The following HOXA9 variants were observed in gnomAD, a reference collection of about 807,000 sequenced individuals.
HOXA9 encodes the protein homeobox A9.
A neutral mutation model predicts 19.0 loss-of-function variants in HOXA9; 18 were observed. That is an observed-to-expected ratio of 0.95 (90% CI 0.65 to 1.40). The LOEUF is 1.40. Ranked by LOEUF, HOXA9 falls within the 40% of genes most tolerant of loss-of-function variation. The pLI is 0.00. For synonymous variants in HOXA9, 198 were observed against 161.1 expected (o/e 1.23, Z -1.73); for missense variants, 443 against 372.2 (o/e 1.19, Z -1.57).
Position 27,162,751 on chromosome 7 carries a change from CA to C in HOXA9, c.*851del. 4.8e-6 allele frequency: 1 copy of C among 208,062 alleles called. No individual in the cohort carries two copies. The highest frequency in any genetic ancestry group is 9.8e-6 in the Non-Finnish European group (1 of 101,964). 12.9% of individuals were successfully genotyped at this position (208,062 alleles called of 1,614,324 possible). A position where few individuals can be genotyped will look rare whatever the true frequency, so the allele number is the denominator to read the frequency against. ...GAATTTCCTCACTGTTCGTCTGGTG[CA>C]AAAACAATATTCAAGCTTGTCTGAT... On this transcript the variant is annotated 3_prime_UTR_variant, in exon 2 of 2. Transcript: ENST00000343483.
Position 27,165,154 on chromosome 7 carries a change from C to G in HOXA9, c.304G>C (p.Ala102Pro), listed in dbSNP as rs200450890. 7,714 of 1,595,632 alleles carry G rather than the reference C, an allele frequency of 4.8e-3. 29 individuals are homozygous for G. The highest frequency in any genetic ancestry group is 5.7e-3 in the Non-Finnish European group (6,636 of 1,170,836). ...VHPQAPVAAAAPDGRYMRSWL... is the reference protein window; with the variant it reads ...VHPQAPVAAAPPDGRYMRSWL... ...GAGCGCATGTACCTGCCGTCCGGCG[C>G]CGCCGCCGCCACGGGCGCCTGGGGG... The change falls in exon 1 of 2, where the codon GCG (alanine) becomes CCG (proline). Residue 102 changes from alanine to proline, a missense_variant. Ala to Pro is a conservative substitution (Grantham distance 27). Transcript: ENST00000343483.
chr7:27,164,968 C>T lies in HOXA9; in HGVS notation c.490G>A (p.Val164Ile). The T allele has an allele frequency of 1.9e-6, 3 of 1,614,226 alleles. No individual in the cohort carries two copies. The South Asian group carries it at 3.3e-5, about 18-fold the overall frequency. ...TCGCTGGGTTGTTTTTCTCTATCAA[C>T]TGGAGGAGAACCACAAGCATAGTCA... is the stretch of plus-strand genomic sequence containing the variant. ...LTDYACGSPP[V>I]DREKQPSEGA... The change falls in exon 1 of 2, where the codon GTT becomes ATT. Residue 164 changes from valine (V) to isoleucine (I), a missense_variant. By Grantham distance (29) the Val-to-Ile change is conservative. Coordinates refer to ENST00000343483, the MANE Select transcript of HOXA9 (RefSeq NM_152739.4).
At position 27,163,829 on chromosome 7, in the gene HOXA9, G is replaced by A; in HGVS notation, c.593C>T (p.Ala198Val). The A allele has an allele frequency of 6.2e-7, 1 of 1,613,824 alleles. No individual in the cohort carries two copies. Among genetic ancestry groups the A allele is most frequent in the Non-Finnish European group, 8.5e-7 (1 of 1,179,876 alleles). ...KPPIDPNNPAANWLHARSTRK... is the reference protein window; with the variant it reads ...KPPIDPNNPAVNWLHARSTRK... Reference sequence around the variant, plus strand: ...AGTGGAGCGCGCATGAAGCCAGTTGGCTGCTGGGTTATCTGCGGGGAAGAG... The same window carrying A: ...AGTGGAGCGCGCATGAAGCCAGTTGACTGCTGGGTTATCTGCGGGGAAGAG... The change falls in exon 2 of 2, where the codon GCC becomes GTC. Residue 198 changes from alanine to valine, a missense_variant. Coordinates refer to ENST00000343483, the MANE Select transcript of HOXA9 (RefSeq NM_152739.4).
intron 1 of HOXA9, among the ~76,000 whole-genome samples, chr7:27,164,560 C>T (rs939253203): frequency 6.6e-6 from 1 of 152,250 alleles, no homozygotes; most frequent in African/African-American, 2.4e-5. Context: ...TTTCGAAGAA[C>T]GGCCCAAAGT....
rs1419634082 is a variant in HOXA9, at chr7:27,163,414, G to C, written c.*189C>G. The C allele has an allele frequency of 1.6e-6, 1 of 610,020 alleles. No homozygotes were observed. Among genetic ancestry groups the C allele is most frequent in the Non-Finnish European group, 2.9e-6 (1 of 342,312 alleles). The allele number at this position is 610,020 out of a possible 1,614,324, so 37.8% of individuals were successfully genotyped here. ...CTTACAATACCTCCTCCATCAAAGCGGCAGGCCTACGAGCCAGCCTGAACA... is the reference window on the plus strand; with the variant it reads ...CTTACAATACCTCCTCCATCAAAGCCGCAGGCCTACGAGCCAGCCTGAACA... On this transcript the variant is annotated 3_prime_UTR_variant, in exon 2 of 2. Coordinates refer to ENST00000343483, the MANE Select transcript of HOXA9 (RefSeq NM_152739.4).
chr7:27,165,164 C>A lies in HOXA9; in HGVS notation c.294G>T (p.Val98=). The A allele has an allele frequency of 6.3e-7, 1 of 1,597,842 alleles. No homozygotes were observed. The change falls in exon 1 of 2, where the codon GTG becomes GTT. Residue 98 remains valine, a synonymous_variant. Coordinates refer to ENST00000343483, the MANE Select transcript of HOXA9 (RefSeq NM_152739.4). The part of the protein sequence containing the change: ...HHPYVHPQAP[V]AAAAPDGRYM... The stretch of plus-strand genomic sequence containing the variant: ...ACCTGCCGTCCGGCGCCGCCGCCGC[C>A]ACGGGCGCCTGGGGGTGCACGTAGG...
rs1050009334 is a variant in HOXA9, at chr7:27,162,775, G to A, written c.*828C>T. On this transcript the variant is annotated 3_prime_UTR_variant, in exon 2 of 2. Transcript: ENST00000343483. ...GCAAAAACAATATTCAAGCTTGTCT[G>A]ATTATGCATATTTTCTTTAATCATA... 9.7e-6 allele frequency: 2 copies of A among 206,582 alleles called. 1 individual carries two copies. The highest frequency in any genetic ancestry group is 1.2e-4 in the Admixed American group (2 of 16,770). 12.8% of individuals were successfully genotyped at this position (206,582 alleles called of 1,614,324 possible). A position where few individuals can be genotyped will look rare whatever the true frequency, so the allele number is the denominator to read the frequency against.
chr7:27,165,423 A>T lies in HOXA9; in HGVS notation c.35T>A (p.Val12Glu), dbSNP rs771692377. The T allele has an allele frequency of 6.2e-7, 1 of 1,609,624 alleles. No homozygotes were observed. Among genetic ancestry groups the T allele is most frequent in the Non-Finnish European group, 8.5e-7 (1 of 1,178,956 alleles). ...ATTGALGNYY[V>E]DSFLLGADAA... The stretch of plus-strand genomic sequence containing the variant: ...GTCGGCGCCCAGCAGGAACGAGTCC[A>T]CGTAGTAGTTGCCCAGGGCCCCAGT... The change falls in exon 1 of 2, where the codon GTG becomes GAG. Residue 12 changes from valine (V) to glutamate (E), a missense_variant. By Grantham distance (121) the Val-to-Glu change is moderately radical (BLOSUM62 -2). Coordinates refer to ENST00000343483, the MANE Select transcript of HOXA9 (RefSeq NM_152739.4).
In HOXA9 at chr7:27,163,789, G is replaced by A. The variant is rs1783254997; in HGVS notation, c.633C>T (p.Cys211=). The part of the protein sequence containing the change: ...LHARSTRKKR[C]PYTKHQTLEL... ...CCAGGGTCTGGTGTTTTGTATAGGG[G>A]CACCGCTTTTTCCGAGTGGAGCGCG... Residue 211 remains cysteine (C), a synonymous_variant, in exon 2 of 2, where the codon TGC becomes TGT. Coordinates refer to ENST00000343483, the MANE Select transcript of HOXA9 (RefSeq NM_152739.4). The A allele has an allele frequency of 1.2e-6, 2 of 1,613,744 alleles. No homozygotes were observed. The highest frequency in any genetic ancestry group is 8.5e-7 in the Non-Finnish European group (1 of 1,179,976).
chr7:27,164,759 C>T (rs1783281097), intron 1 of HOXA9, 119 bp downstream of exon 1: 27 of 1,467,458 alleles, frequency 1.8e-5, no homozygotes, highest in Non-Finnish European at 2.3e-5. Flanking sequence ...TGGCTCCTGG[C>T]CCCAACTCGA....
intron 1 of HOXA9, 72 bp from the exon 2 acceptor site, chr7:27,163,913 A>C: frequency 3.1e-6 from 4 of 1,286,850 alleles, no homozygotes; most frequent in Non-Finnish European, 4.5e-6. Context: ...AGCCTCCTGC[A>C]TGGGGTCTCT....
In HOXA9 at chr7:27,165,032, A is replaced by T; in HGVS notation, c.426T>A (p.Gly142=). 2 of 1,613,950 alleles carry T rather than the reference A, an allele frequency of 1.2e-6. No homozygotes were observed. Among genetic ancestry groups the T allele is most frequent in the South Asian group, 2.2e-5 (2 of 91,068 alleles). The change falls in exon 1 of 2, where the codon GGT becomes GGA. Residue 142 remains glycine, a synonymous_variant. Transcript: ENST00000343483. ...TGTGAGTGTCAAGCGTGGGACAGTC[A>T]CCCCTTCTGGCCGACAGCGGTTCAG... ...IKPEPLSARR[G]DCPTLDTHTL...
rs1783246641 is a variant in HOXA9 at position 27,163,524 on chromosome 7, G to A, written c.*79C>T. 2.6e-6 allele frequency: 3 copies of A among 1,160,146 alleles called. No individual in the cohort carries two copies. The highest frequency in any genetic ancestry group is 1.5e-5 in the African/African-American group (1 of 64,684). The allele number at this position is 1,160,146 out of a possible 1,614,324, so 71.9% of individuals were successfully genotyped here. A position where few individuals can be genotyped will look rare whatever the true frequency, so the allele number is the denominator to read the frequency against. On this transcript the variant is annotated 3_prime_UTR_variant, in exon 2 of 2. Transcript: ENST00000343483. ...GAGGCTAGGGTGGGGGTGAGAGAAG[G>A]GAGAAGGCGGAAGGGGGACGGACAG...
In HOXA9 at chr7:27,163,639, C is replaced by T; in HGVS notation, c.783G>A (p.Met261Ile). Residue 261 changes from methionine (M) to isoleucine (I), a missense_variant, in exon 2 of 2, where the codon ATG becomes ATA. Physicochemically the swap from Met to Ile is conservative, Grantham distance 10 (BLOSUM62 1). Transcript: ENST00000343483. ...TTGCTCGGTCTTTGTTGATTTTCTT[C>T]ATTTTCATCCTGCGGTTCTGGAACC... is the stretch of plus-strand genomic sequence containing the variant. ...KIWFQNRRMK[M>I]KKINKDRAKD... 1.2e-6 allele frequency: 2 copies of T among 1,613,458 alleles called. No homozygotes were observed. The highest frequency in any genetic ancestry group is 1.7e-6 in the Non-Finnish European group (2 of 1,179,800).
Position 27,162,916 on chromosome 7 carries a change from A to AT in HOXA9, c.*686dup, listed in dbSNP as rs976622355. 1.3e-4 allele frequency: 25 copies of AT among 197,358 alleles called. No individual in the cohort carries two copies. The highest frequency in any genetic ancestry group is 1.9e-4 in the South Asian group (1 of 5,182). 12.2% of individuals were successfully genotyped at this position (197,358 alleles called of 1,614,324 possible). On this transcript the variant is annotated 3_prime_UTR_variant, in exon 2 of 2. Coordinates refer to ENST00000343483, the MANE Select transcript of HOXA9 (RefSeq NM_152739.4). ...CTATGCATCCCCGAGAACACTTAAA[A>AT]TTTTTTTTTATTTCACTGGGAAATT...
intron 1 of HOXA9, 45 bp from the exon 2 acceptor site, chr7:27,163,886 T>A: frequency 6.6e-7 from 1 of 1,525,052 alleles, no homozygotes; most frequent in Non-Finnish European, 9.0e-7. Context: ...AAGACGCACA[T>A]CCCGCTGGGG....
rs954762069 is a variant in HOXA9 at position 27,163,126 on chromosome 7, A to G, written c.*477T>C. 4.9e-5 allele frequency: 11 copies of G among 222,522 alleles called. No homozygotes were observed. The South Asian group carries it at 5.3e-4, about 11-fold the overall frequency. 13.8% of individuals were successfully genotyped at this position (222,522 alleles called of 1,614,324 possible). On this transcript the variant is annotated 3_prime_UTR_variant, in exon 2 of 2. Coordinates refer to ENST00000343483, the MANE Select transcript of HOXA9 (RefSeq NM_152739.4). ...TACACAGAAGTTTGAATCACAAAAC[A>G]TAATTACCACAATAAAACACAGTGT...
rs766126446 is a variant in HOXA9, at chr7:27,164,940, C to A, written c.518G>T (p.Gly173Val). ...CTCAGCATTGTTTTCAGAGAAGGCG[C>A]CTTCGCTGGGTTGTTTTTCTCTATC... ...PVDREKQPSEGAFSENNAENE... is the reference protein window; with the variant it reads ...PVDREKQPSEVAFSENNAENE... Residue 173 changes from glycine to valine, a missense_variant, in exon 1 of 2, where the codon GGC (glycine) becomes GTC (valine). Transcript: ENST00000343483. 2.5e-6 allele frequency: 4 copies of A among 1,614,226 alleles called. No individual in the cohort carries two copies. Among genetic ancestry groups the A allele is most frequent in the African/African-American group, 1.3e-5 (1 of 75,070 alleles).
At chr7:27,164,491 C>T (rs950757925) in intron 1 of HOXA9, among the ~76,000 whole-genome samples, 3 of 152,278 alleles carry the variant, frequency 2.0e-5, no homozygotes, top group African/African-American at 7.2e-5. Context: ...TCCGGCTGCC[C>T]TGGCTGCCGC....
Sources: allele counts gnomAD v4.1 joint callset (sites outside exome capture counted in the v4.1 genomes callset), GRCh38; gene constraint gnomAD v4.1.1; transcripts MANE v1.5; gene names NCBI Gene and HGNC (gene_info 2026-07-23, HGNC 2026-07-21).